SHOC1: variants seen among roughly 807,000 people sequenced by gnomAD.
SHOC1 encodes protein shortage in chiasmata 1 ortholog.
A neutral mutation model predicts 179.2 loss-of-function variants in SHOC1; 136 were observed. The ratio of observed to expected loss-of-function variants is 0.76; its 90% confidence interval spans 0.66 to 0.87. SHOC1 has a LOEUF of 0.87. SHOC1 is among the 40% of genes least tolerant of loss of function. SHOC1 has a pLI of 0.00. For synonymous variants in SHOC1, 489 were observed against 586.6 expected (o/e 0.83, Z 2.41); for missense variants, 1,538 against 1,700.8 (o/e 0.90, Z 1.68).
intron 15 of SHOC1, among the ~76,000 whole-genome samples, chr9:111,721,681 G>A (rs575025929): frequency 4.6e-5 from 7 of 152,272 alleles, no homozygotes; most frequent in African/African-American, 9.6e-5. Context: ...CTGAATACTC[G>A]AGGGAGAGGC....
intron 10 of SHOC1, 98 bp from the exon 11 acceptor site, chr9:111,741,668 C>T (rs943868481): frequency 1.0e-5 from 6 of 576,660 alleles, no homozygotes; most frequent in Non-Finnish European, 1.7e-5. Flanking sequence ...GAGTCTCGCT[C>T]TGTCGCCCAG....
chr9:111,763,688 G>A lies in SHOC1; in HGVS notation c.443-4840C>T, dbSNP rs981142454. On this transcript the variant is annotated intron_variant, in intron 5 of 27. Transcript: ENST00000682961. ...GTGGAAGTACTGTACTAAAAGGAAC[G>A]AAAAAACTGACTAAACTGGCAGCTA... 1.5e-4 allele frequency among the ~76,000 whole-genome samples: 23 copies of A among 152,050 alleles called. 1 individual carries two copies. The highest frequency in any genetic ancestry group is 8.8e-5 in the Non-Finnish European group (6 of 67,988).
At chr9:111,729,926 C>T (rs1412451838) in intron 12 of SHOC1, among the ~76,000 whole-genome samples, 1 of 152,006 alleles carries the variant, frequency 6.6e-6, no homozygotes, top group Non-Finnish European at 1.5e-5. Flanking sequence ...CTCTCCAACC[C>T]TGCCACTACT....
intron 5 of SHOC1, chr9:111,759,411 G>A: frequency 6.9e-7 from 1 of 1,448,184 alleles, no homozygotes; most frequent in Non-Finnish European, 9.1e-7. Flanking sequence ...TCTACTTGAG[G>A]AGTATGATAT....
At chr9:111,730,709 G>C (rs1460426606) in intron 12 of SHOC1, among the ~76,000 whole-genome samples, 2 of 152,146 alleles carry the variant, frequency 1.3e-5, no homozygotes, top group Non-Finnish European at 1.5e-5. Flanking sequence ...AAGGGCCTTA[G>C]GATTTTCAGA....
intron 16 of SHOC1, among the ~76,000 whole-genome samples, chr9:111,715,207 C>A (rs1832730336): frequency 6.6e-6 from 1 of 152,160 alleles, no homozygotes; most frequent in Non-Finnish European, 1.5e-5. Context: ...ATTTCTATGT[C>A]TAAAAAGCTC....
At chr9:111,754,122 A>T (rs573136222) in intron 8 of SHOC1, among the ~76,000 whole-genome samples, 2 of 152,334 alleles carry the variant, frequency 1.3e-5, no homozygotes, top group African/African-American at 4.8e-5. Flanking sequence ...CACAATGTAT[A>T]TGTATATCAA....
chr9:111,775,795 G>C lies in SHOC1; in HGVS notation c.438C>G (p.Asn146Lys). ...AATATAAAATAAACGTTTTACCTTGGTTCTGGTTTTGAAGTGCTGAACATT... is the reference window on the plus strand; with the variant it reads ...AATATAAAATAAACGTTTTACCTTGCTTCTGGTTTTGAAGTGCTGAACATT... ...LEKCSALQNQ[N>K]QDLFIDDKGI... The change falls in exon 5 of 28, where the codon AAC becomes AAG. Residue 146 changes from asparagine (N) to lysine (K), a missense_variant. Physicochemically the swap from Asn to Lys is moderately conservative, Grantham distance 94. Coordinates refer to ENST00000682961, the MANE Select transcript of SHOC1 (RefSeq NM_001378211.1). 6.2e-7 allele frequency: 1 copy of C among 1,602,350 alleles called. No individual in the cohort carries two copies.
At position 111,705,172 on chromosome 9, in the gene SHOC1, C is replaced by T. The variant is rs552704031; in HGVS notation, c.2855+75G>A. ...TATTTAGCCTATCAGAATATATATA[C>T]ACACACACACACACACACACACACA... is the stretch of plus-strand genomic sequence containing the variant. On this transcript the variant is annotated intron_variant, in intron 21 of 27. Transcript: ENST00000682961. 2.7e-3 allele frequency: 1,177 copies of T among 429,904 alleles called. 4 individuals are homozygous for T. Among genetic ancestry groups the T allele is most frequent in the African/African-American group, 0.022 (644 of 28,998 alleles). The allele number at this position is 429,904 out of a possible 1,614,324, so 26.6% of individuals were successfully genotyped here. A position where few individuals can be genotyped will look rare whatever the true frequency, so the allele number is the denominator to read the frequency against.
chr9:111,749,749 C>A (rs1316068632), intron 8 of SHOC1, among the ~76,000 whole-genome samples: 2 of 152,118 alleles, frequency 1.3e-5, no homozygotes, highest in African/African-American at 4.8e-5. Context: ...CGTTCAGCTC[C>A]CACTTATAAG....
chr9:111,715,990 C>T (rs1832766829), intron 16 of SHOC1, among the ~76,000 whole-genome samples: 1 of 151,996 alleles, frequency 6.6e-6, no homozygotes, highest in African/African-American at 2.4e-5. Context: ...GCAGCCAGAC[C>T]TCCGTGGATT....
chr9:111,758,020 C>T (rs997821118), intron 7 of SHOC1, 64 bp downstream of exon 7: 33 of 790,398 alleles, frequency 4.2e-5, no homozygotes, highest in Non-Finnish European at 5.5e-5. Flanking sequence ...GTATATTACA[C>T]AAATTTTACA....
intron 27 of SHOC1, 69 bp from the exon 28 acceptor site, chr9:111,686,939 CTT>C (rs10537471): frequency 0.041 from 21,269 of 517,962 alleles, 36 homozygotes; most frequent in South Asian, 0.056. Context: ...TTTTCTTTTC[CTT>C]TTTTTTTTTT....
At position 111,687,336 on chromosome 9, in the gene SHOC1, A is replaced by G. The variant is rs542931729; in HGVS notation, c.4427-466T>C. The stretch of plus-strand genomic sequence containing the variant: ...AGTGTCAAAATTTCCAAACTGGGAT[A>G]AAATAATAACTATTAAAAAGTATGT... On this transcript the variant is annotated intron_variant, in intron 27 of 27. Transcript: ENST00000682961. 6.8e-4 allele frequency among the ~76,000 whole-genome samples: 104 copies of G among 152,306 alleles called. 1 individual carries two copies. Among genetic ancestry groups the G allele is most frequent in the African/African-American group, 2.4e-3 (101 of 41,572 alleles).
chr9:111,778,968 G>A (rs953266230), intron 4 of SHOC1, among the ~76,000 whole-genome samples: 1 of 151,780 alleles, frequency 6.6e-6, no homozygotes, highest in Non-Finnish European at 1.5e-5. Context: ...ATGTGGTAGT[G>A]CATGCCTGTA....
At chr9:111,693,428 A>T (rs1260363730) in intron 26 of SHOC1, among the ~76,000 whole-genome samples, 53 of 149,784 alleles carry the variant, frequency 3.5e-4, no homozygotes, top group Admixed American at 2.9e-3. Flanking sequence ...CTACAAAAAA[A>T]AAAAAAAAAA....
chr9:111,729,464 G>T (rs914507523), intron 12 of SHOC1, among the ~76,000 whole-genome samples: 3 of 152,144 alleles, frequency 2.0e-5, no homozygotes, highest in African/African-American at 4.8e-5. Flanking sequence ...GTTGCTAAAG[G>T]TTGGTGTGGC....
At chr9:111,769,330 G>T (rs1421483590) in intron 5 of SHOC1, among the ~76,000 whole-genome samples, 1 of 152,080 alleles carries the variant, frequency 6.6e-6, no homozygotes, top group East Asian at 1.9e-4. Context: ...AAGTAGGATT[G>T]CTATTAGTTC....
At chr9:111,794,737 G>A (rs909892084) in intron 1 of SHOC1, among the ~76,000 whole-genome samples, 163 bp downstream of exon 1, 10 of 152,098 alleles carry the variant, frequency 6.6e-5, no homozygotes, top group African/African-American at 2.4e-4. Context: ...GTGGACAGTG[G>A]GTCTGGGGTT....
Sources: gnomAD v4.1 joint callset for allele counts (sites outside exome capture counted in the v4.1 genomes callset) on GRCh38, gnomAD v4.1.1 for gene constraint, MANE v1.5 for transcripts, NCBI Gene and HGNC (gene_info 2026-07-23, HGNC 2026-07-21) for gene names.